Variants in PLA2G10 observed in about 807,000 individuals in gnomAD.
PLA2G10 encodes group 10 secretory phospholipase A2.
PLA2G10 carries 9 observed loss-of-function variants against 7.9 expected under a neutral mutation model. The ratio of observed to expected loss-of-function variants is 1.14; its 90% CI spans 0.68 to 1.98. PLA2G10 has a LOEUF of 1.98. PLA2G10 is among the 30% of genes most tolerant of loss of function. The pLI is 0.00. For synonymous variants in PLA2G10, 19 were observed against 27.5 expected (o/e 0.69, Z 0.97); for missense variants, 53 against 65.4 (o/e 0.81, Z 0.66).
intron 3 of PLA2G10, among the ~76,000 whole-genome samples, chr16:14,679,655 C>T (rs1429781651): frequency 4.3e-5 from 6 of 140,930 alleles, no homozygotes; most frequent in Admixed American, 3.6e-4. Context: ...AGCAAGACTC[C>T]ACCTCAAAAA....
At chr16:14,693,262 T>C (rs1359796630) in intron 1 of PLA2G10, among the ~76,000 whole-genome samples, 3 of 13,718 alleles carry the variant, frequency 2.2e-4, no homozygotes, top group African/African-American at 7.7e-4. Flanking sequence ...TGTCTGTCCA[T>C]CCTGTGACCC....
intron 3 of PLA2G10, among the ~76,000 whole-genome samples, chr16:14,687,834 T>C (rs1961136813): frequency 6.7e-6 from 1 of 149,204 alleles, no homozygotes; most frequent in Non-Finnish European, 1.5e-5. Context: ...CCACCTCTAC[T>C]GAAAAAATAC....
chr16:14,682,025 G>T (rs867442592), intron 3 of PLA2G10, among the ~76,000 whole-genome samples: 1 of 151,812 alleles, frequency 6.6e-6, no homozygotes, highest in Non-Finnish European at 1.5e-5. Flanking sequence ...GTAGAGATGG[G>T]GTCTCTCTAT....
chr16:14,687,885 G>C (rs909163524), intron 3 of PLA2G10, among the ~76,000 whole-genome samples: 63 of 151,830 alleles, frequency 4.1e-4, no homozygotes, highest in African/African-American at 1.5e-3. Context: ...TGTAGTCCCA[G>C]CCACTTGGGA....
At chr16:14,674,469 C>T (rs1408391984) in intron 3 of PLA2G10, among the ~76,000 whole-genome samples, 2 of 152,108 alleles carry the variant, frequency 1.3e-5, no homozygotes, top group Non-Finnish European at 2.9e-5. Context: ...TTTGCAAGGC[C>T]GAGGTGGGTG....
chr16:14,685,172 G>C (rs1046790848), intron 3 of PLA2G10, among the ~76,000 whole-genome samples: 1 of 152,028 alleles, frequency 6.6e-6, no homozygotes, highest in Non-Finnish European at 1.5e-5. Context: ...AGGAGTTCAA[G>C]ACCAGCCTGG....
intron 3 of PLA2G10, among the ~76,000 whole-genome samples, chr16:14,686,055 C>A (rs1277717960): frequency 7.2e-6 from 1 of 139,524 alleles, no homozygotes; most frequent in Non-Finnish European, 1.5e-5. Flanking sequence ...TGCAGTGGTG[C>A]AATCTTGGCT....
Position 14,681,238 on chromosome 16 carries a change from A to C in PLA2G10, c.355+6927T>G, listed in dbSNP as rs114883596. On this transcript the variant is annotated intron_variant, in intron 3 of 3. Transcript: ENST00000438167. ...GAGAGGAGGGGAGAGGAGGGAAAAGAAAAGCAAAGCCATATACAATCTCCA... is the reference window on the plus strand; with the variant it reads ...GAGAGGAGGGGAGAGGAGGGAAAAGCAAAGCAAAGCCATATACAATCTCCA... Among the ~76,000 whole-genome samples, 1,401 of 152,084 alleles carry C rather than the reference A, an allele frequency of 9.2e-3. 23 individuals are homozygous for C. Among genetic ancestry groups the C allele is most frequent in the African/African-American group, 0.032 (1,307 of 41,484 alleles).
intron 3 of PLA2G10, among the ~76,000 whole-genome samples, chr16:14,686,998 C>T (rs1476516019): frequency 6.6e-6 from 1 of 151,682 alleles, no homozygotes; most frequent in Non-Finnish European, 1.5e-5. Flanking sequence ...ATCTCAGCTA[C>T]TCAGGAGGCT....
Position 14,672,675 on chromosome 16 carries a change from C to A in PLA2G10, c.430G>T (p.Glu144Ter), listed in dbSNP as rs1251573511. Residue 144 changes from glutamate (E) to a stop codon, truncating the protein, a stop_gained, in exon 4 of 4, where the codon GAG becomes TAG. Transcript: ENST00000438167. LOFTEE classifies it high-confidence loss of function. ...TAGAAGAGGTACTTTAAGTTGTACT[C>A]AGTTTGGGCTAAGCAGTTAGCAATC... is the stretch of plus-strand genomic sequence containing the variant. The part of the protein sequence containing the change: ...QEIANCLAQT[E>*]YNLKYLFYPQ... The A allele has an allele frequency of 6.2e-7, 1 of 1,614,058 alleles. No homozygotes were observed. The highest frequency in any genetic ancestry group is 1.1e-5 in the South Asian group (1 of 91,076).
intron 3 of PLA2G10, among the ~76,000 whole-genome samples, chr16:14,674,711 A>C (rs1314450976): frequency 6.6e-6 from 1 of 151,944 alleles, no homozygotes; most frequent in Non-Finnish European, 1.5e-5. Flanking sequence ...AAAAAAAAAG[A>C]AAAGAAGAAA....
intron 3 of PLA2G10, among the ~76,000 whole-genome samples, chr16:14,685,334 T>C (rs1033893847): frequency 2.0e-5 from 3 of 147,182 alleles, no homozygotes. Context: ...ATGGCACCAC[T>C]GCACTCCAGC....
chr16:14,683,659 A>G (rs1189490156), intron 3 of PLA2G10, among the ~76,000 whole-genome samples: 1 of 152,214 alleles, frequency 6.6e-6, no homozygotes, highest in Admixed American at 6.5e-5. Context: ...CACTCCGTAG[A>G]CAAAAATTAA....
intron 3 of PLA2G10, among the ~76,000 whole-genome samples, chr16:14,679,288 C>CT (rs1350157855): frequency 3.9e-5 from 6 of 152,016 alleles, no homozygotes; most frequent in African/African-American, 1.5e-4. Context: ...AATCTCAACA[C>CT]TTTGGGAGGC....
chr16:14,679,675 A>T (rs553742890), intron 3 of PLA2G10, among the ~76,000 whole-genome samples: 54 of 147,610 alleles, frequency 3.7e-4, no homozygotes, highest in African/African-American at 1.1e-3. Flanking sequence ...AAAAAAAAAA[A>T]TAATAATAAT....
chr16:14,676,468 C>T (rs562061090), intron 3 of PLA2G10, among the ~76,000 whole-genome samples: 1 of 152,262 alleles, frequency 6.6e-6, no homozygotes, highest in South Asian at 2.1e-4. Flanking sequence ...ATCACGAGGT[C>T]AGGAGTTCAA....
chr16:14,687,370 A>C (rs1359697978), intron 3 of PLA2G10, among the ~76,000 whole-genome samples: 5 of 145,466 alleles, frequency 3.4e-5, no homozygotes, highest in East Asian at 2.0e-4. Flanking sequence ...GCCCTGTTAC[A>C]CAGGCTGGAG....
chr16:14,687,116 A>G (rs964316725), intron 3 of PLA2G10, among the ~76,000 whole-genome samples: 3 of 151,882 alleles, frequency 2.0e-5, no homozygotes, highest in African/African-American at 4.8e-5. Context: ...CTCAAAAAAA[A>G]ACAAAAAAAA....
intron 3 of PLA2G10, 149 bp from the exon 4 acceptor site, chr16:14,672,898 G>C: frequency 2.9e-6 from 2 of 690,984 alleles, no homozygotes; most frequent in South Asian, 4.3e-5. Context: ...GGCTCCCCAG[G>C]AAGCAGGTGA....
Sources: gnomAD v4.1 joint callset for allele counts (sites outside exome capture counted in the v4.1 genomes callset) on GRCh38, gnomAD v4.1.1 for gene constraint, MANE v1.5 for transcripts, NCBI Gene and HGNC (gene_info 2026-07-23, HGNC 2026-07-21) for gene names.